Variants in ANK2 observed in about 807,000 individuals in gnomAD.
The protein encoded by ANK2 is ankyrin-2.
Under a neutral mutation model 360.5 loss-of-function variants are expected in ANK2, and 83 were observed. The ratio of observed to expected loss-of-function variants is 0.23; its 90% CI spans 0.19 to 0.28. The LOEUF (loss-of-function observed/expected upper bound fraction) is 0.28, where lower values mean the gene tolerates loss of function less well. Ranked by LOEUF, ANK2 falls within the 10% of genes least tolerant of loss-of-function variation. The pLI is 1.00. For synonymous variants in ANK2, 1,740 were observed against 1,759.5 expected, an observed-to-expected ratio of 0.99 and a Z score of 0.28; for missense variants, 4,201 against 4,795.7, an observed-to-expected ratio of 0.88 and a Z score of 3.66.
chr4:112,815,012 C>CTT (rs66513268), upstream of ANK2, among the ~76,000 whole-genome samples: 3 of 145,412 alleles, frequency 2.1e-5, no homozygotes, highest in Non-Finnish European at 3.0e-5. Flanking sequence ...CAAAAAGACA[C>CTT]TTTTTTTTTT....
intron 11 of ANK2, 95 bp downstream of exon 11, chr4:113,256,027 A>G: frequency 7.1e-7 from 1 of 1,405,622 alleles, no homozygotes; most frequent in Non-Finnish European, 9.9e-7. Flanking sequence ...ATGCAAGGTT[A>G]CAGATATGTA....
intron 9 of ANK2, among the ~76,000 whole-genome samples, chr4:113,245,059 G>C (rs745423817): frequency 5.3e-5 from 8 of 152,116 alleles, no homozygotes; most frequent in Non-Finnish European, 1.2e-4. Flanking sequence ...TATGTGAATA[G>C]GGTTGCATTG....
intron 1 of ANK2, among the ~76,000 whole-genome samples, chr4:112,846,086 T>A (rs530410037): frequency 6.6e-6 from 1 of 152,276 alleles, no homozygotes; most frequent in South Asian, 2.1e-4. Flanking sequence ...CCTAACTGAA[T>A]CTGCTTCTTT....
At chr4:113,186,133 G>A (rs1469531513) in intron 2 of ANK2, among the ~76,000 whole-genome samples, 1 of 152,194 alleles carries the variant, frequency 6.6e-6, no homozygotes, top group Admixed American at 6.5e-5. Context: ...GGAGCTGACA[G>A]ACACCTCATA....
At chr4:113,266,933 T>C (rs1050044167) in intron 14 of ANK2, among the ~76,000 whole-genome samples, 2 of 152,202 alleles carry the variant, frequency 1.3e-5, no homozygotes, top group African/African-American at 4.8e-5. Context: ...GACTTTTAAA[T>C]GATCACCATT....
chr4:112,916,511 A>C (rs1403293151), intron 2 of ANK2, among the ~76,000 whole-genome samples: 1 of 152,240 alleles, frequency 6.6e-6, no homozygotes, highest in Non-Finnish European at 1.5e-5. Context: ...CCTGCCTTCA[A>C]TCTATTACAT....
chr4:113,339,719 T>C (rs1388210906), intron 32 of ANK2, among the ~76,000 whole-genome samples: 1 of 152,228 alleles, frequency 6.6e-6, no homozygotes, highest in African/African-American at 2.4e-5. Context: ...CTAAAAGGCT[T>C]AGAGGCTTCA....
intron 1 of ANK2, among the ~76,000 whole-genome samples, chr4:113,101,973 G>A (rs905164039): frequency 1.4e-4 from 21 of 152,152 alleles, no homozygotes; most frequent in African/African-American, 5.1e-4. Context: ...CCGGTGTATG[G>A]TGAGGATAGA....
At chr4:113,345,809 G>A (rs756883362) in intron 34 of ANK2, 91 bp from the exon 35 acceptor site, 48 of 1,534,590 alleles carry the variant, frequency 3.1e-5, no homozygotes, top group Non-Finnish European at 2.7e-5. Flanking sequence ...AGTAACAAAT[G>A]AATTTTACTT....
At chr4:113,250,752 A>ACCCC (rs1383642885) in intron 10 of ANK2, among the ~76,000 whole-genome samples, 4 of 47,312 alleles carry the variant, frequency 8.5e-5, no homozygotes, top group Non-Finnish European at 1.5e-4. Context: ...ACCTCATACC[A>ACCCC]CCGCCCCCCC....
chr4:113,175,689 A>G (rs1319938145), intron 2 of ANK2, among the ~76,000 whole-genome samples: 2 of 152,160 alleles, frequency 1.3e-5, no homozygotes, highest in Non-Finnish European at 2.9e-5. Flanking sequence ...CTTCCTCCCC[A>G]AACTTCTATG....
chr4:113,227,512 C>T (rs2099239135), intron 4 of ANK2, among the ~76,000 whole-genome samples: 2 of 152,140 alleles, frequency 1.3e-5, no homozygotes, highest in African/African-American at 4.8e-5. Flanking sequence ...AAAATGTGCT[C>T]TTAAAAAAAT....
intron 4 of ANK2, among the ~76,000 whole-genome samples, chr4:113,215,052 CAT>C (rs1265323486): frequency 2.0e-5 from 3 of 151,944 alleles, no homozygotes; most frequent in Non-Finnish European, 4.4e-5. Context: ...GTTTAAATAA[CAT>C]ATTAACTGGA....
chr4:112,945,025 A>G (rs886949452), intron 2 of ANK2, among the ~76,000 whole-genome samples: 20 of 152,240 alleles, frequency 1.3e-4, no homozygotes, highest in Non-Finnish European at 2.9e-4. Flanking sequence ...GTTGTGCTGT[A>G]GTAACAAATA....
At chr4:113,246,627 T>A (rs1198909385) in intron 9 of ANK2, among the ~76,000 whole-genome samples, 1 of 152,152 alleles carries the variant, frequency 6.6e-6, no homozygotes, top group East Asian at 1.9e-4. Flanking sequence ...AAAAACATAT[T>A]TCAAAGCAAA....
At position 112,832,364 on chromosome 4, in the gene ANK2, A is replaced by G. The variant is rs1218798665; in HGVS notation, c.-40+14100A>G. On this transcript the variant is annotated intron_variant, in intron 1 of 30. Coordinates refer to the ANK2 transcript ENST00000503271. Reference sequence around the variant, plus strand: ...CACAGTACCGGGCCTGTAGGGTGTAATTTACTTATATACCAAACCTGTATA... The same window carrying G: ...CACAGTACCGGGCCTGTAGGGTGTAGTTTACTTATATACCAAACCTGTATA... Among the ~76,000 whole-genome samples the G allele has an allele frequency of 2.0e-5, 3 of 152,198 alleles. No individual in the cohort carries two copies. In the East Asian group the frequency reaches 5.8e-4, roughly 29 times the overall value.
intron 17 of ANK2, among the ~76,000 whole-genome samples, chr4:113,279,941 G>A (rs2061635869): frequency 6.6e-6 from 1 of 151,956 alleles, no homozygotes; most frequent in African/African-American, 2.4e-5. Flanking sequence ...CTAGAGGAGT[G>A]TTCATATCAT....
intron 29 of ANK2, 112 bp from the exon 30 acceptor site, chr4:113,335,734 T>A: frequency 1.8e-6 from 2 of 1,120,472 alleles, no homozygotes; most frequent in Non-Finnish European, 2.7e-6. Context: ...TTCAAAAAAA[T>A]GTGTTTTGCT....
upstream of ANK2, among the ~76,000 whole-genome samples, chr4:113,048,248 G>GTGTATATA (rs1252407907): frequency 3.9e-3 from 142 of 36,238 alleles, 1 homozygote; most frequent in Middle Eastern, 0.023. Flanking sequence ...CTACAAGTGT[G>GTGTATATA]TATATATATA....
Sources: allele counts gnomAD v4.1 joint callset (sites outside exome capture counted in the v4.1 genomes callset), GRCh38; gene constraint gnomAD v4.1.1; transcripts MANE v1.5; gene names NCBI Gene and HGNC (gene_info 2026-07-23, HGNC 2026-07-21).